The following MEI4 variants were observed in gnomAD, a reference collection of about 807,000 sequenced individuals.
MEI4 encodes the protein meiotic double-stranded break formation protein 4, also known as meiosis-specific protein MEI4.
Under a neutral mutation model 31.4 loss-of-function variants are expected in MEI4, and 27 were observed. That is an observed-to-expected ratio of 0.86 (90% CI 0.63 to 1.19). The LOEUF (loss-of-function observed/expected upper bound fraction) is 1.19, where lower values mean the gene tolerates loss of function less well. Ranked by LOEUF, MEI4 falls within the 50% of genes most tolerant of loss-of-function variation. MEI4 has a pLI of 0.00. For synonymous variants in MEI4, 122 were observed against 145.4 expected (o/e 0.84, Z 1.16); for missense variants, 329 against 398.9 (o/e 0.82, Z 1.49).
chr6:77,709,240 T>TA (rs1766402029), intron 2 of MEI4, among the ~76,000 whole-genome samples: 4 of 152,338 alleles, frequency 2.6e-5, no homozygotes, highest in Middle Eastern at 3.4e-3. Context: ...AGCTGTTTCT[T>TA]ACGTTTCAAA....
intron 2 of MEI4, among the ~76,000 whole-genome samples, chr6:77,731,142 C>G (rs1766976803): frequency 6.6e-6 from 1 of 151,920 alleles, no homozygotes; most frequent in Admixed American, 6.6e-5. Context: ...GGTACATACC[C>G]AGTAATGGGA....
At chr6:77,750,792 C>T (rs1475083098) in intron 2 of MEI4, among the ~76,000 whole-genome samples, 1 of 152,172 alleles carries the variant, frequency 6.6e-6, no homozygotes, top group African/African-American at 2.4e-5. Context: ...CTACAGGACT[C>T]TCCACCCCAA....
chr6:77,695,153 C>T (rs1360221601), intron 2 of MEI4, among the ~76,000 whole-genome samples: 1 of 152,172 alleles, frequency 6.6e-6, no homozygotes, highest in East Asian at 1.9e-4. Flanking sequence ...ATTGTAGATT[C>T]TGGATATTAG....
At chr6:77,759,792 T>C (rs1463486423) in intron 2 of MEI4, among the ~76,000 whole-genome samples, 2 of 152,194 alleles carry the variant, frequency 1.3e-5, no homozygotes, top group Non-Finnish European at 1.5e-5. Context: ...TTTCAGTTGA[T>C]CGCTCAATGT....
chr6:77,700,071 C>T (rs747458648), intron 2 of MEI4, among the ~76,000 whole-genome samples: 29 of 152,216 alleles, frequency 1.9e-4, no homozygotes, highest in African/African-American at 5.8e-4. Context: ...GCAGTCTGCC[C>T]GTTCTCAGAT....
intron 2 of MEI4, among the ~76,000 whole-genome samples, chr6:77,710,519 T>C (rs1472867281): frequency 6.1e-5 from 1 of 16,280 alleles, no homozygotes; most frequent in Non-Finnish European, 1.3e-4. Context: ...AGACTCCATC[T>C]CAAAAAAAAA....
At chr6:77,677,852 A>T (rs976784949) in intron 1 of MEI4, among the ~76,000 whole-genome samples, 1 of 152,256 alleles carries the variant, frequency 6.6e-6, no homozygotes, top group African/African-American at 2.4e-5. Context: ...CACATATTCT[A>T]CATGTATAAA....
At chr6:77,815,090 G>T (rs1252414578) in intron 3 of MEI4, among the ~76,000 whole-genome samples, 2 of 152,116 alleles carry the variant, frequency 1.3e-5, no homozygotes, top group South Asian at 4.2e-4. Flanking sequence ...TACTTTTTAA[G>T]CTCTTTGACA....
At chr6:77,684,923 C>G (rs1439672373) in intron 1 of MEI4, among the ~76,000 whole-genome samples, 1 of 152,110 alleles carries the variant, frequency 6.6e-6, no homozygotes, top group Non-Finnish European at 1.5e-5. Context: ...TGAGGACCCT[C>G]CAAACAGTTC....
chr6:77,782,019 A>G (rs1252368603), intron 3 of MEI4, among the ~76,000 whole-genome samples: 1 of 152,106 alleles, frequency 6.6e-6, no homozygotes, highest in Non-Finnish European at 1.5e-5. Flanking sequence ...AATAGAAATC[A>G]TGGTGACATT....
At chr6:77,815,313 GATA>G (rs1769663976) in intron 3 of MEI4, among the ~76,000 whole-genome samples, 1 of 151,984 alleles carries the variant, frequency 6.6e-6, no homozygotes, top group African/African-American at 2.4e-5. Context: ...GTTATTAAAG[GATA>G]ATATCTGTAG....
At chr6:77,658,154 A>G (rs535199945) in intron 1 of MEI4, among the ~76,000 whole-genome samples, 4 of 152,162 alleles carry the variant, frequency 2.6e-5, no homozygotes, top group Admixed American at 6.5e-5. Flanking sequence ...GTTAGTTCTT[A>G]TAGGTTTTGG....
chr6:77,866,486 A>G (rs1771031492), intron 4 of MEI4, among the ~76,000 whole-genome samples: 1 of 152,220 alleles, frequency 6.6e-6, no homozygotes, highest in South Asian at 2.1e-4. Flanking sequence ...ATTGCTTCAA[A>G]GAGAATAAAA....
chr6:77,854,542 GAGATAA>G (rs1770702756), intron 4 of MEI4, among the ~76,000 whole-genome samples: 1 of 151,388 alleles, frequency 6.6e-6, no homozygotes, highest in Non-Finnish European at 1.5e-5. Context: ...CATATGGTTG[GAGATAA>G]AGATAAGAAG....
At chr6:77,772,048 A>G (rs1015392489) in intron 3 of MEI4, among the ~76,000 whole-genome samples, 1 of 152,094 alleles carries the variant, frequency 6.6e-6, no homozygotes, top group Non-Finnish European at 1.5e-5. Context: ...AAAGTGAAAT[A>G]AAAAGATAAT....
At chr6:77,715,551 C>A (rs1241415081) in intron 2 of MEI4, among the ~76,000 whole-genome samples, 1 of 152,112 alleles carries the variant, frequency 6.6e-6, no homozygotes, top group Non-Finnish European at 1.5e-5. Context: ...GGCTGTGCTT[C>A]TTTTTCAGAA....
chr6:77,795,720 A>G (rs1391967704), intron 3 of MEI4, among the ~76,000 whole-genome samples: 2 of 152,000 alleles, frequency 1.3e-5, no homozygotes, highest in Admixed American at 6.6e-5. Context: ...ATCCTGAAGA[A>G]ATAGAAAATC....
chr6:77,676,507 A>G (rs1768848589), intron 1 of MEI4, among the ~76,000 whole-genome samples: 1 of 152,090 alleles, frequency 6.6e-6, no homozygotes, highest in Non-Finnish European at 1.5e-5. Context: ...AGCCTGGGCA[A>G]TGGAGCAAGA....
At chr6:77,745,489 A>T (rs1359280453) in intron 2 of MEI4, among the ~76,000 whole-genome samples, 1 of 152,216 alleles carries the variant, frequency 6.6e-6, no homozygotes, top group African/African-American at 2.4e-5. Context: ...AGTAACCTAC[A>T]TAGAGACTTA....
Sources: gnomAD v4.1 joint callset for allele counts (sites outside exome capture counted in the v4.1 genomes callset) on GRCh38, gnomAD v4.1.1 for gene constraint, MANE v1.5 for transcripts, NCBI Gene and HGNC (gene_info 2026-07-23, HGNC 2026-07-21) for gene names.